Variants in SPTBN4 observed in about 807,000 individuals in gnomAD.
The protein encoded by SPTBN4 is spectrin beta, non-erythrocytic 4.
Under a neutral mutation model 277.8 loss-of-function variants are expected in SPTBN4, and 96 were observed. The observed-to-expected ratio is 0.35, with a 90% CI of 0.29 to 0.41. The LOEUF is 0.41. Among genes scored for constraint, SPTBN4 ranks in the 10% least tolerant of loss-of-function variants. SPTBN4 has a pLI of 1.00. For missense variants in SPTBN4, 3,006 were observed against 3,595.7 expected, an observed-to-expected ratio of 0.84 and a Z score of 4.19; for synonymous variants, 1,481 against 1,580.3, an observed-to-expected ratio of 0.94 and a Z score of 1.49.
chr19:40,494,796 C>T (rs1334764566), intron 5 of SPTBN4, 101 bp from the exon 6 acceptor site: 2 of 1,019,818 alleles, frequency 2.0e-6, no homozygotes, highest in Admixed American at 2.1e-5. Context: ...CCCTCTCTCT[C>T]ATCTTCCTTC....
chr19:40,566,183 G>T lies in SPTBN4; in HGVS notation c.6160G>T (p.Ala2054Ser), dbSNP rs1170109371. The change falls in exon 30 of 36, where the codon GCC (alanine) becomes TCC (serine). Residue 2054 changes from alanine to serine, a missense_variant. Ala to Ser is a moderately conservative substitution (Grantham distance 99). Coordinates refer to ENST00000598249, the MANE Select transcript of SPTBN4 (RefSeq NM_020971.3). ...LQQMLEVHQF[A>S]QEAVVADAWL... Reference sequence around the variant, plus strand: ...CTCAGTGCTGGAGGTGCACCAGTTTGCCCAGGAGGCGGTGGTGGCTGATGC... The same window carrying T: ...CTCAGTGCTGGAGGTGCACCAGTTTTCCCAGGAGGCGGTGGTGGCTGATGC... 2 of 1,535,908 alleles carry T rather than the reference G, an allele frequency of 1.3e-6. No homozygotes were observed. Among genetic ancestry groups the T allele is most frequent in the Non-Finnish European group, 1.8e-6 (2 of 1,137,594 alleles).
intron 14 of SPTBN4, 79 bp downstream of exon 14, chr19:40,513,633 T>C (rs902209628): frequency 7.3e-7 from 1 of 1,367,516 alleles, no homozygotes. Context: ...ACAGTTCCCA[T>C]GTTTGCTCAG....
chr19:40,572,591 A>G, intron 35 of SPTBN4: 2 of 589,436 alleles, frequency 3.4e-6, no homozygotes, highest in Non-Finnish European at 6.0e-6. Context: ...CTGCCTGCAG[A>G]TCCTGATGAC....
chr19:40,500,392 G>A (rs2080250932), intron 7 of SPTBN4, among the ~76,000 whole-genome samples: 1 of 152,216 alleles, frequency 6.6e-6, no homozygotes, highest in Non-Finnish European at 1.5e-5. Flanking sequence ...GTTGAACTGG[G>A]ATCCAAGTGC....
chr19:40,508,278 T>G (rs2145857484), intron 13 of SPTBN4, among the ~76,000 whole-genome samples: 1 of 152,332 alleles, frequency 6.6e-6, no homozygotes, highest in South Asian at 2.1e-4. Flanking sequence ...CCTGTCTTAC[T>G]TATGTCAATG....
chr19:40,495,415 G>C (rs1397382456), intron 6 of SPTBN4, among the ~76,000 whole-genome samples: 1 of 152,102 alleles, frequency 6.6e-6, no homozygotes, highest in African/African-American at 2.4e-5. Flanking sequence ...GGCCAAGGTG[G>C]GAGGATCACC....
chr19:40,522,585 C>T (rs2080540424), intron 16 of SPTBN4, among the ~76,000 whole-genome samples: 1 of 151,334 alleles, frequency 6.6e-6, no homozygotes, highest in African/African-American at 2.4e-5. Flanking sequence ...CTCCTGACCT[C>T]AGGTGATCCA....
intron 12 of SPTBN4, among the ~76,000 whole-genome samples, chr19:40,505,773 GAC>G (rs1201041814): frequency 6.7e-6 from 1 of 150,046 alleles, no homozygotes; most frequent in Non-Finnish European, 1.5e-5. Flanking sequence ...GTGAACAGGA[GAC>G]ACAGACAGGA....
At position 40,473,354 on chromosome 19, in the gene SPTBN4, G is replaced by GTTTTTTTTT. The variant is rs61584591; in HGVS notation, c.169+576_169+584dup. 5.9e-4 allele frequency among the ~76,000 whole-genome samples: 58 copies of GTTTTTTTTT among 99,100 alleles called. 1 individual carries two copies. The highest frequency in any genetic ancestry group is 8.7e-4 in the Non-Finnish European group (44 of 50,860). The allele number at this position is 99,100 out of a possible 152,430, so 65.0% of individuals were successfully genotyped here. ...CATGAGCCACTGCACCTGGCCTGGT[G>GTTTTTTTTT]TTTTTTTTTTTTTTTTTTTTGAGAC... On this transcript the variant is annotated intron_variant, in intron 2 of 35. Transcript: ENST00000598249.
At chr19:40,562,365 A>G (rs1015526708) in intron 27 of SPTBN4, among the ~76,000 whole-genome samples, 1 of 151,984 alleles carries the variant, frequency 6.6e-6, no homozygotes, top group East Asian at 1.9e-4. Context: ...CCCCGCCTCT[A>G]CTAAAAATAC....
At chr19:40,549,555 C>T in intron 21 of SPTBN4, 142 bp downstream of exon 21, 1 of 623,188 alleles carries the variant, frequency 1.6e-6, no homozygotes, top group Middle Eastern at 4.4e-4. Context: ...TTCACTCATT[C>T]ATTCATTCAC....
chr19:40,545,102 A>C (rs545973704), intron 20 of SPTBN4, among the ~76,000 whole-genome samples: 3 of 151,528 alleles, frequency 2.0e-5, no homozygotes, highest in African/African-American at 7.3e-5. Context: ...ATTATTTAAA[A>C]ATTTTTTTTT....
chr19:40,506,020 C>T (rs1026299206), intron 12 of SPTBN4, among the ~76,000 whole-genome samples: 4 of 152,202 alleles, frequency 2.6e-5, no homozygotes, highest in African/African-American at 9.6e-5. Flanking sequence ...TGAGAGCTGA[C>T]AGCAGCTGGG....
chr19:40,498,637 C>T (rs1163745975), intron 7 of SPTBN4, among the ~76,000 whole-genome samples: 1 of 151,810 alleles, frequency 6.6e-6, no homozygotes, highest in African/African-American at 2.4e-5. Context: ...GATCTCCTGA[C>T]CTTATGGTCC....
At chr19:40,563,649 A>G (rs1016482450) in intron 27 of SPTBN4, among the ~76,000 whole-genome samples, 2 of 151,098 alleles carry the variant, frequency 1.3e-5, no homozygotes, top group South Asian at 2.1e-4. Context: ...CAGCCTCCCA[A>G]TCTCAGCCAA....
At chr19:40,482,629 G>T (rs2080025155) in intron 2 of SPTBN4, among the ~76,000 whole-genome samples, 1 of 152,194 alleles carries the variant, frequency 6.6e-6, no homozygotes, top group Non-Finnish European at 1.5e-5. Context: ...GTTGGCAACT[G>T]ATTTACATTT....
Position 40,513,398 on chromosome 19 carries a change from C to A in SPTBN4, c.2609C>A (p.Ala870Glu). Residue 870 changes from alanine to glutamate, a missense_variant, in exon 14 of 36, where the codon GCG (alanine) becomes GAG (glutamate). Around this residue, in one of 5 missense-constraint regions of SPTBN4, gnomAD observed 1,759 missense variants for 2,061.5 expected, o/e 0.85. Coordinates refer to ENST00000598249, the MANE Select transcript of SPTBN4 (RefSeq NM_020971.3). ...EQLFAEVTEV[A>E]ALRRQWLRDA... is the part of the protein sequence containing the mutation. ...TTGTTCGCTGAGGTGACCGAAGTGG[C>A]GGCGCTGAGGCGCCAGTGGCTGCGG... 6.2e-7 allele frequency: 1 copy of A among 1,604,792 alleles called. No homozygotes were observed. Among genetic ancestry groups the A allele is most frequent in the East Asian group, 2.2e-5 (1 of 44,602 alleles).
chr19:40,511,619 C>A (rs892770221), intron 13 of SPTBN4, among the ~76,000 whole-genome samples: 15 of 152,116 alleles, frequency 9.9e-5, no homozygotes, highest in African/African-American at 3.4e-4. Context: ...AGAGGGAGTT[C>A]GGGGTTAAGC....
intron 18 of SPTBN4, chr19:40,530,697 G>A (rs1336569023): frequency 6.6e-6 from 3 of 456,696 alleles, no homozygotes; most frequent in African/African-American, 2.1e-5. Flanking sequence ...AGGGAGGGGC[G>A]GGGCGGCGCG....
Sources: allele counts gnomAD v4.1 joint callset (sites outside exome capture counted in the v4.1 genomes callset), GRCh38; gene constraint gnomAD v4.1.1; regional missense constraint gnomAD v4.1.1; transcripts MANE v1.5; gene names NCBI Gene and HGNC (gene_info 2026-07-23, HGNC 2026-07-21).